GLIS1: variants seen among roughly 807,000 people sequenced by gnomAD.
GLIS1 encodes the protein zinc finger protein GLIS1.
Under a neutral mutation model 63.8 loss-of-function variants are expected in GLIS1, and 24 were observed. The observed-to-expected ratio is 0.38, with a 90% CI of 0.27 to 0.53. The LOEUF (loss-of-function observed/expected upper bound fraction) is 0.53, where lower values mean the gene tolerates loss of function less well. Ranked by LOEUF, GLIS1 falls within the 20% of genes least tolerant of loss-of-function variation. The pLI is 0.85. For missense variants in GLIS1, 1,036 were observed against 1,074.1 expected (o/e 0.96, Z 0.50); for synonymous variants, 450 against 482.5 (o/e 0.93, Z 0.88).
Position 53,509,382 on chromosome 1 carries a change from G to C in GLIS1, c.2063-95C>G, listed in dbSNP as rs958209795. The C allele has an allele frequency of 8.7e-6, 11 of 1,270,316 alleles. No individual in the cohort carries two copies. The Admixed American group carries it at 1.5e-4, about 18-fold the overall frequency. The allele number at this position is 1,270,316 out of a possible 1,614,324, so 78.7% of individuals were successfully genotyped here. A position where few individuals can be genotyped will look rare whatever the true frequency, so the allele number is the denominator to read the frequency against. The stretch of plus-strand genomic sequence containing the variant: ...TGCTGCACGCTCCACCTCCCGTGTT[G>C]TCCTGTCCAGGCATTGTGGGTGTGA... On this transcript the variant is annotated intron_variant, in intron 9 of 10. Transcript: ENST00000628545.
At chr1:53,561,487 C>A (rs145081644) in intron 4 of GLIS1, among the ~76,000 whole-genome samples, 1 of 152,174 alleles carries the variant, frequency 6.6e-6, no homozygotes, top group Non-Finnish European at 1.5e-5. Flanking sequence ...TTATTGTTGG[C>A]GGACCAGGGC....
chr1:53,646,697 C>T lies in GLIS1; in HGVS notation c.260-46419G>A, dbSNP rs1645847863. Among the ~76,000 whole-genome samples the T allele has an allele frequency of 1.3e-5, 2 of 152,180 alleles. No homozygotes were observed. Among genetic ancestry groups the T allele is most frequent in the Middle Eastern group, 3.4e-3 (1 of 294 alleles). ...TGGTGGCGCACATCTGTGGTCCCAGCTACTTGGGAGGCTAAGGGAGGAGGA... is the reference window on the plus strand; with the variant it reads ...TGGTGGCGCACATCTGTGGTCCCAGTTACTTGGGAGGCTAAGGGAGGAGGA... On this transcript the variant is annotated intron_variant, in intron 2 of 10. Transcript: ENST00000628545. The surrounding 1 kb of genome is among the most constrained non-coding windows in gnomAD (Gnocchi z 4.2).
intron 4 of GLIS1, among the ~76,000 whole-genome samples, chr1:53,536,644 T>TA (rs1196791559): frequency 6.6e-6 from 1 of 152,092 alleles, no homozygotes; most frequent in East Asian, 1.9e-4. Flanking sequence ...CTGATGAGTC[T>TA]ATATGTGTCC....
chr1:53,601,294 C>T (rs1645315245), intron 2 of GLIS1, among the ~76,000 whole-genome samples: 1 of 152,194 alleles, frequency 6.6e-6, no homozygotes, highest in South Asian at 2.1e-4. Context: ...GGCACAAAGT[C>T]TCTAGCACGG....
chr1:53,544,947 G>T (rs187187096), intron 4 of GLIS1, among the ~76,000 whole-genome samples: 2 of 152,288 alleles, frequency 1.3e-5, no homozygotes, highest in African/African-American at 4.8e-5. Context: ...CATGTTGTGG[G>T]TGGGGACACC....
At chr1:53,558,949 G>A (rs1412380132) in intron 4 of GLIS1, among the ~76,000 whole-genome samples, 2 of 152,174 alleles carry the variant, frequency 1.3e-5, no homozygotes, top group East Asian at 3.8e-4. Context: ...AGATGCTGAA[G>A]GTTAAAACAT....
intron 2 of GLIS1, among the ~76,000 whole-genome samples, chr1:53,658,296 TAC>T (rs1412023308): frequency 6.6e-6 from 1 of 152,200 alleles, no homozygotes; most frequent in Non-Finnish European, 1.5e-5. Context: ...ATCTTTATTA[TAC>T]ACTAGTCTGG....
In GLIS1 at chr1:53,539,887, C is replaced by G. The variant is rs1470356379; in HGVS notation, c.1321-9935G>C. On this transcript the variant is annotated intron_variant, in intron 4 of 10. Coordinates refer to ENST00000628545, the MANE Select transcript of GLIS1 (RefSeq NM_001367484.1). The surrounding 1 kb of genome is among the most constrained non-coding windows in gnomAD (Gnocchi z 5.0). ...GCATGCATAGCCTGAGAGATCTCCA[C>G]TGACCTCTCTAGCCCAATGTCTACT... is the stretch of plus-strand genomic sequence containing the variant. 1.3e-5 allele frequency among the ~76,000 whole-genome samples: 2 copies of G among 152,166 alleles called. No individual in the cohort carries two copies. The highest frequency in any genetic ancestry group is 4.8e-5 in the African/African-American group (2 of 41,420).
intron 2 of GLIS1, among the ~76,000 whole-genome samples, chr1:53,724,062 A>G (rs902480372): frequency 6.6e-6 from 1 of 152,172 alleles, no homozygotes; most frequent in Non-Finnish European, 1.5e-5. Flanking sequence ...CCTTAAGAAC[A>G]CTCTGAGAAT....
At chr1:53,712,525 A>T (rs990384213) in intron 2 of GLIS1, among the ~76,000 whole-genome samples, 1 of 152,216 alleles carries the variant, frequency 6.6e-6, no homozygotes, top group Non-Finnish European at 1.5e-5. Flanking sequence ...ACAACTGGTA[A>T]TACCTGTGCA....
intron 2 of GLIS1, among the ~76,000 whole-genome samples, chr1:53,632,488 T>C (rs939059545): frequency 5.5e-5 from 8 of 145,370 alleles, no homozygotes; most frequent in Non-Finnish European, 3.0e-5. Context: ...CTGAGGGGCA[T>C]GTGAATGAGT....
intron 2 of GLIS1, among the ~76,000 whole-genome samples, chr1:53,656,194 C>A (rs970373344): frequency 3.9e-5 from 6 of 152,182 alleles, no homozygotes; most frequent in African/African-American, 1.4e-4. Context: ...CCTAGGGAAG[C>A]AGAGCCCCAA....
chr1:53,713,591 C>CAAA (rs1646668215), intron 2 of GLIS1, among the ~76,000 whole-genome samples: 1 of 152,156 alleles, frequency 6.6e-6, no homozygotes, highest in Non-Finnish European at 1.5e-5. Context: ...CCATCTCTGC[C>CAAA]AAAAATTTTT....
Position 53,539,534 on chromosome 1 carries a change from C to T in GLIS1, c.1321-9582G>A, listed in dbSNP as rs1460655289. ...CACACCACACCACACACACACATAC[C>T]ACACGGTATACACCCCCCCACACAC... On this transcript the variant is annotated intron_variant, in intron 4 of 10. Transcript: ENST00000628545. The surrounding 1 kb of genome is among the most constrained non-coding windows in gnomAD (Gnocchi z 5.0). 2.5e-5 allele frequency among the ~76,000 whole-genome samples: 2 copies of T among 79,804 alleles called. No individual in the cohort carries two copies. Among genetic ancestry groups the T allele is most frequent in the African/African-American group, 8.5e-5 (2 of 23,546 alleles). 52.4% of individuals were successfully genotyped at this position (79,804 alleles called of 152,430 possible).
At chr1:53,630,207 T>C (rs565437206) in intron 2 of GLIS1, among the ~76,000 whole-genome samples, 2 of 152,356 alleles carry the variant, frequency 1.3e-5, no homozygotes, top group African/African-American at 4.8e-5. Context: ...CTGCATAATA[T>C]TCCATCATGA....
At chr1:53,614,908 A>G (rs561792718) in intron 2 of GLIS1, among the ~76,000 whole-genome samples, 3 of 149,672 alleles carry the variant, frequency 2.0e-5, no homozygotes, top group Admixed American at 2.0e-4. Context: ...TCGTGCACAC[A>G]CTCACACACA....
rs549287237 is a variant in GLIS1, at chr1:53,561,190, C to T, written c.1321-31238G>A. Among the ~76,000 whole-genome samples, 39 of 152,336 alleles carry T rather than the reference C, an allele frequency of 2.6e-4. No individual in the cohort carries two copies. The East Asian group carries it at 7.3e-3, about 29-fold the overall frequency. On this transcript the variant is annotated intron_variant, in intron 4 of 10. Transcript: ENST00000628545. ...AAGAAATTGAGGCTCAGAGAGGCTA[C>T]ACCACTTGTGTAAGGTTACACGGTA...
intron 2 of GLIS1, among the ~76,000 whole-genome samples, chr1:53,610,136 T>C (rs1236465317): frequency 6.6e-6 from 1 of 152,246 alleles, no homozygotes; most frequent in Non-Finnish European, 1.5e-5. Flanking sequence ...CACACATTCT[T>C]TGGGTTACTG....
At chr1:53,717,736 T>C (rs1323092939) in intron 2 of GLIS1, among the ~76,000 whole-genome samples, 3 of 152,234 alleles carry the variant, frequency 2.0e-5, no homozygotes, top group Admixed American at 6.5e-5. Context: ...GTAAACTTTA[T>C]ATTTAACTTG....
Sources: gnomAD v4.1 joint callset for allele counts (sites outside exome capture counted in the v4.1 genomes callset) on GRCh38, gnomAD v4.1.1 for gene constraint, Gnocchi (gnomAD v3.1) non-coding constraint, MANE v1.5 for transcripts, NCBI Gene and HGNC (gene_info 2026-07-23, HGNC 2026-07-21) for gene names.